The following FAM177A1 variants were observed in gnomAD, a reference collection of about 807,000 sequenced individuals.
FAM177A1 encodes protein FAM177A1.
In FAM177A1, 22 loss-of-function variants were observed where a neutral mutation model predicts 26.1. The observed-to-expected ratio is 0.84, with a 90% CI of 0.60 to 1.20. FAM177A1 has a LOEUF of 1.20. FAM177A1 is among the 50% of genes most tolerant of loss of function. The pLI, the probability that FAM177A1 is intolerant of heterozygous loss-of-function variation, is 0.00. For missense variants in FAM177A1, 296 were observed against 291.1 expected, an observed-to-expected ratio of 1.02 and a Z score of -0.12; for synonymous variants, 95 against 99.3, an observed-to-expected ratio of 0.96 and a Z score of 0.26.
chr14:35,064,614 A>G (rs1022164828), intron 2 of FAM177A1, among the ~76,000 whole-genome samples: 1 of 152,082 alleles, frequency 6.6e-6, no homozygotes, highest in Admixed American at 6.6e-5. Flanking sequence ...TAGAATAATA[A>G]TTACTTAAGT....
intron 2 of FAM177A1, among the ~76,000 whole-genome samples, chr14:35,073,062 C>CTCTTCTTCT (rs139602399): frequency 2.6e-5 from 4 of 151,526 alleles, no homozygotes; most frequent in Non-Finnish European, 5.9e-5. Flanking sequence ...TATCAGGGTT[C>CTCTTCTTCT]TCTTCTTCTT....
At chr14:35,053,992 CA>C (rs1225497297) in intron 2 of FAM177A1, among the ~76,000 whole-genome samples, 3 of 151,272 alleles carry the variant, frequency 2.0e-5, no homozygotes, top group African/African-American at 7.3e-5. Flanking sequence ...GACTCTGTCT[CA>C]AAAAAAAGAT....
At position 35,083,000 on chromosome 14, in the gene FAM177A1, A is replaced by G. The variant is rs2045509890; in HGVS notation, c.*1772A>G. ...TGCTTAAAATATTAATCTTTTGATT[A>G]TATAATGTCCCATGAATTATAGTTT... On this transcript the variant is annotated 3_prime_UTR_variant, in exon 5 of 5. Transcript: ENST00000280987. 1 of 152,246 alleles carries G rather than the reference A, an allele frequency of 6.6e-6. No individual in the cohort carries two copies. The highest frequency in any genetic ancestry group is 1.5e-5 in the Non-Finnish European group (1 of 68,036). 9.4% of individuals were successfully genotyped at this position (152,246 alleles called of 1,614,324 possible).
chr14:35,078,008 TAG>T (rs1261825737), intron 3 of FAM177A1, among the ~76,000 whole-genome samples: 1 of 152,234 alleles, frequency 6.6e-6, no homozygotes. Context: ...ATTTAAAATA[TAG>T]GTTTTAAATT....
At chr14:35,068,814 T>A (rs2045276242) in intron 2 of FAM177A1, among the ~76,000 whole-genome samples, 1 of 152,226 alleles carries the variant, frequency 6.6e-6, no homozygotes, top group South Asian at 2.1e-4. Context: ...ATTGAGCAAC[T>A]GGCATCTGGC....
intron 2 of FAM177A1, 66 bp from the exon 3 acceptor site, chr14:35,077,084 C>A: frequency 7.7e-7 from 1 of 1,301,626 alleles, no homozygotes; most frequent in Non-Finnish European, 1.1e-6. Flanking sequence ...TTGACTACTT[C>A]ATTCTGGCCT....
At position 35,081,793 on chromosome 14, in the gene FAM177A1, A is replaced by G. The variant is rs1355721530; in HGVS notation, c.*565A>G. Reference sequence around the variant, plus strand: ...AGAATCTGTATTTATAACACCAGATATTAAGATAGGCTTCCATTTTTTAAT... The same window carrying G: ...AGAATCTGTATTTATAACACCAGATGTTAAGATAGGCTTCCATTTTTTAAT... On this transcript the variant is annotated 3_prime_UTR_variant, in exon 5 of 5. Transcript: ENST00000280987. The G allele has an allele frequency of 6.6e-6, 1 of 152,270 alleles. No homozygotes were observed. The highest frequency in any genetic ancestry group is 1.5e-5 in the Non-Finnish European group (1 of 68,064). The allele number at this position is 152,270 out of a possible 1,614,324, so 9.4% of individuals were successfully genotyped here.
chr14:35,046,309 GC>G lies in FAM177A1; in HGVS notation c.-154del, dbSNP rs1488589395. On this transcript the variant is annotated 5_prime_UTR_variant, in exon 1 of 5. Coordinates refer to ENST00000280987, the MANE Select transcript of FAM177A1 (RefSeq NM_173607.5). ...GCCAGCTCTCGGGGTGCGGAGCCCG[GC>G]GGGCTAGGCGAGGCGCGGGCTGGCC... 136 of 868,982 alleles carry G rather than the reference GC, an allele frequency of 1.6e-4. No homozygotes were observed. The highest frequency in any genetic ancestry group is 8.6e-4 in the Admixed American group (20 of 23,390). The allele number at this position is 868,982 out of a possible 1,614,324, so 53.8% of individuals were successfully genotyped here.
chr14:35,056,220 A>G (rs1227252158), intron 2 of FAM177A1, among the ~76,000 whole-genome samples: 2 of 151,752 alleles, frequency 1.3e-5, no homozygotes, highest in East Asian at 3.9e-4. Context: ...TTTTTAGTAG[A>G]GACATGCTTT....
At chr14:35,071,980 A>G (rs1225206815) in intron 2 of FAM177A1, among the ~76,000 whole-genome samples, 2 of 152,298 alleles carry the variant, frequency 1.3e-5, no homozygotes, top group South Asian at 2.1e-4. Context: ...AGTAAGCTAT[A>G]GAAAAGAAAA....
At position 35,081,003 on chromosome 14, in the gene FAM177A1, T is replaced by C; in HGVS notation, c.505-19T>C. 6.3e-7 allele frequency: 1 copy of C among 1,588,708 alleles called. No homozygotes were observed. The highest frequency in any genetic ancestry group is 8.6e-7 in the Non-Finnish European group (1 of 1,167,834). On this transcript the variant is annotated intron_variant, in intron 4 of 4. Transcript: ENST00000280987. ...ACTTTCGTATTTCAACTATTCTTGA[T>C]ATTGCTCCTTTTTTTTAGGAAGAAG...
intron 2 of FAM177A1, among the ~76,000 whole-genome samples, chr14:35,063,285 C>T (rs2045187674): frequency 6.8e-6 from 1 of 146,962 alleles, no homozygotes; most frequent in Non-Finnish European, 1.5e-5. Flanking sequence ...TATATTTTCC[C>T]TTTGGGGCCA....
chr14:35,046,859 C>T, intron 1 of FAM177A1: 1 of 1,337,876 alleles, frequency 7.5e-7, no homozygotes, highest in East Asian at 3.1e-5. Context: ...CTGGGGCGGC[C>T]TCGGGTTCCT....
chr14:35,058,021 T>G (rs2045089215), intron 2 of FAM177A1, among the ~76,000 whole-genome samples: 1 of 152,038 alleles, frequency 6.6e-6, no homozygotes, highest in Non-Finnish European at 1.5e-5. Flanking sequence ...GCTTTCTGTT[T>G]CCTTGCTGAT....
intron 2 of FAM177A1, among the ~76,000 whole-genome samples, chr14:35,057,846 T>C (rs570038167): frequency 1.3e-5 from 2 of 152,270 alleles, no homozygotes; most frequent in African/African-American, 4.8e-5. Context: ...GAACATACTT[T>C]ATATTATTTG....
chr14:35,076,087 A>T (rs1483919394), intron 2 of FAM177A1, among the ~76,000 whole-genome samples: 1 of 152,218 alleles, frequency 6.6e-6, no homozygotes, highest in African/African-American at 2.4e-5. Flanking sequence ...CCATCCCATT[A>T]CTGGGTATAT....
chr14:35,074,355 T>G (rs1336389575), intron 2 of FAM177A1, among the ~76,000 whole-genome samples: 45 of 152,098 alleles, frequency 3.0e-4, no homozygotes, highest in Admixed American at 2.9e-3. Context: ...AGATGGAGTC[T>G]TGCTCTGTTG....
chr14:35,073,533 G>A (rs2045353635), intron 2 of FAM177A1, among the ~76,000 whole-genome samples: 1 of 152,198 alleles, frequency 6.6e-6, no homozygotes, highest in East Asian at 1.9e-4. Flanking sequence ...GGGGTTCTGG[G>A]TGGCCAGGAG....
At chr14:35,049,149 C>A (rs749710201) in intron 1 of FAM177A1, among the ~76,000 whole-genome samples, 3 of 152,078 alleles carry the variant, frequency 2.0e-5, no homozygotes, top group Non-Finnish European at 2.9e-5. Context: ...GCCTTGGCCT[C>A]CCAAAGTGCT....
Sources: gnomAD v4.1 joint callset for allele counts (sites outside exome capture counted in the v4.1 genomes callset) on GRCh38, gnomAD v4.1.1 for gene constraint, MANE v1.5 for transcripts, NCBI Gene and HGNC (gene_info 2026-07-23, HGNC 2026-07-21) for gene names.